Variants in EZR observed in about 807,000 individuals in gnomAD.
EZR encodes the protein cytovillin 2.
EZR carries 40 observed loss-of-function variants against 74.8 expected under a neutral mutation model. That is an observed-to-expected ratio of 0.53 (90% CI 0.42 to 0.70). The LOEUF is 0.70. EZR is among the 30% of genes least tolerant of loss of function. The probability of loss-of-function intolerance (pLI) is 0.00; values close to 1 mark genes in which losing one functional copy is unlikely to be tolerated. For missense variants in EZR, 678 were observed against 755.8 expected, an observed-to-expected ratio of 0.90 and a Z score of 1.21; for synonymous variants, 341 against 283.3, an observed-to-expected ratio of 1.20 and a Z score of -2.05.
chr6:158,810,663 C>G (rs779462598), intron 2 of EZR, among the ~76,000 whole-genome samples: 16 of 152,158 alleles, frequency 1.1e-4, no homozygotes, highest in Admixed American at 3.3e-4. Flanking sequence ...ACTAAGATAA[C>G]CCAAACTGTT....
chr6:158,770,340 C>G (rs1791063469), intron 10 of EZR, among the ~76,000 whole-genome samples: 1 of 152,192 alleles, frequency 6.6e-6, no homozygotes, highest in African/African-American at 2.4e-5. Context: ...ATCGGCCCAG[C>G]TGCTGGGGTT....
Position 158,766,815 on chromosome 6 carries a change from TGAG to T in EZR, c.*96_*98del, listed in dbSNP as rs1790882558. ...ACTGCTTTCTAAAGGAACTGGGATC[TGAG>T]GGAGTTCCTAGACTTGGAGCACTAA... On this transcript the variant is annotated 3_prime_UTR_variant, in exon 14 of 14. Coordinates refer to ENST00000367075, the MANE Select transcript of EZR (RefSeq NM_001111077.2). 1 of 1,185,126 alleles carries T rather than the reference TGAG, an allele frequency of 8.4e-7. No individual in the cohort carries two copies. The highest frequency in any genetic ancestry group is 2.1e-5 in the Admixed American group (1 of 46,638). 73.4% of individuals were successfully genotyped at this position (1,185,126 alleles called of 1,614,324 possible). A position where few individuals can be genotyped will look rare whatever the true frequency, so the allele number is the denominator to read the frequency against.
chr6:158,791,117 A>C (rs1298913377), intron 2 of EZR, among the ~76,000 whole-genome samples: 2 of 151,274 alleles, frequency 1.3e-5, no homozygotes, highest in African/African-American at 4.9e-5. Context: ...AACATTTAAG[A>C]CTATGACTGA....
Position 158,787,222 on chromosome 6 carries a change from G to GAGA in EZR, c.97-20_97-19insTCT. The GAGA allele has an allele frequency of 1.3e-6, 2 of 1,593,478 alleles. No homozygotes were observed. The highest frequency in any genetic ancestry group is 1.7e-6 in the Non-Finnish European group (2 of 1,161,938). On this transcript the variant is annotated intron_variant, in intron 3 of 13. Coordinates refer to ENST00000367075, the MANE Select transcript of EZR (RefSeq NM_001111077.2). ...TTACCACCTGCGTGAGAGAGAGAGAGGCTCAACACTCATGAGAAACTCACT... is the reference window on the plus strand; with the variant it reads ...TTACCACCTGCGTGAGAGAGAGAGAGAGAGCTCAACACTCATGAGAAACTCACT...
In EZR at chr6:158,766,897, T is replaced by G; in HGVS notation, c.*17A>C. The G allele has an allele frequency of 1.2e-6, 2 of 1,612,296 alleles. No homozygotes were observed. Among genetic ancestry groups the G allele is most frequent in the East Asian group, 2.2e-5 (1 of 44,830 alleles). On this transcript the variant is annotated 3_prime_UTR_variant, in exon 14 of 14. Coordinates refer to ENST00000367075, the MANE Select transcript of EZR (RefSeq NM_001111077.2). ...CCCGCTATGAGCACCCCTCTGCCCTTGGTCCTGGCCTGGCTGTTACAGGGC... is the reference window on the plus strand; with the variant it reads ...CCCGCTATGAGCACCCCTCTGCCCTGGGTCCTGGCCTGGCTGTTACAGGGC...
intron 2 of EZR, among the ~76,000 whole-genome samples, chr6:158,794,399 G>A (rs1161166566): frequency 6.6e-6 from 1 of 152,096 alleles, no homozygotes; most frequent in Non-Finnish European, 1.5e-5. Flanking sequence ...AGGGTGTTAG[G>A]TTTCCCTCAT....
intron 2 of EZR, among the ~76,000 whole-genome samples, chr6:158,816,391 A>T (rs1022774587): frequency 3.3e-5 from 5 of 152,248 alleles, no homozygotes; most frequent in Non-Finnish European, 7.3e-5. Context: ...GAGAAAGAAA[A>T]GTAGTGACGG....
At chr6:158,807,461 G>A (rs1012746813) in intron 2 of EZR, among the ~76,000 whole-genome samples, 1 of 152,178 alleles carries the variant, frequency 6.6e-6, no homozygotes, top group East Asian at 1.9e-4. Context: ...GAGAAAGGAT[G>A]GAAGAGTAAG....
Position 158,766,755 on chromosome 6 carries a change from C to T in EZR, c.*159G>A, listed in dbSNP as rs1790878247. Reference sequence around the variant, plus strand: ...CTGGGGAAAACAAACCAGGGCGCCTCCCTGGTTCCCAGCCCAGAATGTTTC... The same window carrying T: ...CTGGGGAAAACAAACCAGGGCGCCTTCCTGGTTCCCAGCCCAGAATGTTTC... On this transcript the variant is annotated 3_prime_UTR_variant, in exon 14 of 14. Coordinates refer to ENST00000367075, the MANE Select transcript of EZR (RefSeq NM_001111077.2). The T allele has an allele frequency of 1.3e-6, 1 of 757,320 alleles. No homozygotes were observed. Among genetic ancestry groups the T allele is most frequent in the South Asian group, 1.7e-5 (1 of 58,546 alleles). 46.9% of individuals were successfully genotyped at this position (757,320 alleles called of 1,614,324 possible). A position where few individuals can be genotyped will look rare whatever the true frequency, so the allele number is the denominator to read the frequency against.
At position 158,785,513 on chromosome 6, in the gene EZR, T is replaced by A; in HGVS notation, c.263A>T (p.Asp88Val). Reference protein sequence around the residue: ...FKFRAKFYPEDVAEELIQDIT... With the variant: ...FKFRAKFYPEVVAEELIQDIT... The stretch of plus-strand genomic sequence containing the variant: ...GTCCTGGATGAGCTCCTCAGCCACA[T>A]CTTCAGGGTAGAACTTGGCCCGGAA... Residue 88 changes from aspartate (D) to valine (V), a missense_variant, in exon 5 of 14, where the codon GAT becomes GTT. Asp to Val is a radical substitution (Grantham distance 152, BLOSUM62 -3). Coordinates refer to ENST00000367075, the MANE Select transcript of EZR (RefSeq NM_001111077.2). 1 of 1,614,200 alleles carries A rather than the reference T, an allele frequency of 6.2e-7. No homozygotes were observed. Among genetic ancestry groups the A allele is most frequent in the Non-Finnish European group, 8.5e-7 (1 of 1,180,038 alleles).
At chr6:158,775,571 C>A (rs9456352) in intron 8 of EZR, among the ~76,000 whole-genome samples, 118,324 of 152,168 alleles carry the variant, frequency 0.78, 47,906 homozygotes, top group African/African-American at 0.91. Flanking sequence ...ACTAAGGAAC[C>A]AAAATTACAT....
intron 2 of EZR, among the ~76,000 whole-genome samples, chr6:158,802,739 G>C (rs1777214770): frequency 1.3e-5 from 2 of 151,328 alleles, no homozygotes. Flanking sequence ...ACCATGTTAA[G>C]TTAGATGGTC....
At chr6:158,816,677 G>T (rs557662039) in intron 2 of EZR, among the ~76,000 whole-genome samples, 2 of 152,126 alleles carry the variant, frequency 1.3e-5, no homozygotes, top group South Asian at 4.2e-4. Flanking sequence ...TCATCTTGAT[G>T]TAACTTAGGC....
At chr6:158,803,598 TATATATAC>T (rs1562504595) in intron 2 of EZR, among the ~76,000 whole-genome samples, 8 of 14,042 alleles carry the variant, frequency 5.7e-4, no homozygotes, top group Non-Finnish European at 9.1e-4. Flanking sequence ...TATATATATA[TATATATAC>T]ATATATATAT....
intron 2 of EZR, among the ~76,000 whole-genome samples, chr6:158,790,047 G>A (rs993878923): frequency 2.0e-5 from 3 of 152,160 alleles, no homozygotes; most frequent in Admixed American, 1.3e-4. Context: ...GTCAGAGAAG[G>A]GAAGAGAGAA....
chr6:158,773,749 G>C (rs1057244064), intron 8 of EZR, among the ~76,000 whole-genome samples: 2 of 152,354 alleles, frequency 1.3e-5, no homozygotes, highest in East Asian at 3.9e-4. Flanking sequence ...GTCACGTGGG[G>C]GAAGCGTCCG....
At chr6:158,772,187 C>A (rs1036270028) in intron 8 of EZR, among the ~76,000 whole-genome samples, 3 of 152,262 alleles carry the variant, frequency 2.0e-5, no homozygotes, top group Admixed American at 1.3e-4. Context: ...TCCTATGAGG[C>A]CATCAGCTCC....
rs1161490586 is a variant in EZR at position 158,769,310 on chromosome 6, C to T, written c.1344+16G>A. 2 of 1,606,266 alleles carry T rather than the reference C, an allele frequency of 1.2e-6. No individual in the cohort carries two copies. The highest frequency in any genetic ancestry group is 1.1e-5 in the South Asian group (1 of 91,022). On this transcript the variant is annotated intron_variant, in intron 12 of 13. Coordinates refer to ENST00000367075, the MANE Select transcript of EZR (RefSeq NM_001111077.2). Reference sequence around the variant, plus strand: ...GGTGCTGTGGCCGTGCGGAGGTGTCCCCCGTGCAGACTCACCCTGTGCTGC... The same window carrying T: ...GGTGCTGTGGCCGTGCGGAGGTGTCTCCCGTGCAGACTCACCCTGTGCTGC...
At chr6:158,815,722 A>G (rs978804903) in intron 2 of EZR, among the ~76,000 whole-genome samples, 2 of 152,136 alleles carry the variant, frequency 1.3e-5, no homozygotes, top group Non-Finnish European at 2.9e-5. Context: ...TCAGCCTCCC[A>G]AAGTGCTGGG....
Sources: allele counts gnomAD v4.1 joint callset (sites outside exome capture counted in the v4.1 genomes callset), GRCh38; gene constraint gnomAD v4.1.1; transcripts MANE v1.5; gene names NCBI Gene and HGNC (gene_info 2026-07-23, HGNC 2026-07-21).